GTF2A1: variants seen among roughly 807,000 people sequenced by gnomAD.
GTF2A1 encodes transcription initiation factor IIA subunit 1.
GTF2A1 carries 12 observed loss-of-function variants against 54.1 expected under a neutral mutation model. The ratio of observed to expected loss-of-function variants is 0.22; its 90% CI spans 0.14 to 0.36. GTF2A1 has a LOEUF of 0.36. Ranked by LOEUF, GTF2A1 falls within the 10% of genes least tolerant of loss-of-function variation. GTF2A1 has a pLI of 1.00. For synonymous variants in GTF2A1, 145 were observed against 152.0 expected (o/e 0.95, Z 0.34); for missense variants, 335 against 442.2 (o/e 0.76, Z 2.17).
intron 7 of GTF2A1, among the ~76,000 whole-genome samples, chr14:81,186,413 T>C (rs964621348): frequency 6.6e-6 from 1 of 152,082 alleles, no homozygotes; most frequent in African/African-American, 2.4e-5. Flanking sequence ...AGCATGATGA[T>C]GGTTATGGTA....
At chr14:81,202,818 AG>A in intron 3 of GTF2A1, 1 of 509,806 alleles carries the variant, frequency 2.0e-6, no homozygotes. Flanking sequence ...TGAAGGCAAC[AG>A]GAAGAACAGT....
intron 2 of GTF2A1, among the ~76,000 whole-genome samples, chr14:81,215,879 AC>A (rs1893477610): frequency 1.3e-5 from 2 of 152,186 alleles, no homozygotes; most frequent in African/African-American, 2.4e-5. Context: ...TACCAAAAAT[AC>A]AAAAATTAGC....
At chr14:81,182,631 G>A (rs1190370115) in intron 8 of GTF2A1, among the ~76,000 whole-genome samples, 1 of 152,136 alleles carries the variant, frequency 6.6e-6, no homozygotes, top group Non-Finnish European at 1.5e-5. Context: ...TCTCGTTTCA[G>A]CAACCTCTGC....
intron 2 of GTF2A1, among the ~76,000 whole-genome samples, chr14:81,210,754 C>T (rs1893346095): frequency 6.6e-6 from 1 of 151,944 alleles, no homozygotes; most frequent in Admixed American, 6.6e-5. Flanking sequence ...GGGGTTTCAC[C>T]GTGTTGGCCA....
At chr14:81,207,184 TACC>T (rs1313247295) in intron 2 of GTF2A1, among the ~76,000 whole-genome samples, 79 of 145,588 alleles carry the variant, frequency 5.4e-4, no homozygotes, top group African/African-American at 1.9e-3. Flanking sequence ...CCTACCTACC[TACC>T]TACCTGATAT....
At chr14:81,193,191 G>A (rs1353429066) in intron 6 of GTF2A1, among the ~76,000 whole-genome samples, 1 of 149,400 alleles carries the variant, frequency 6.7e-6, no homozygotes, top group African/African-American at 2.5e-5. Flanking sequence ...TTTATAGATG[G>A]AGTCTCGTTC....
At chr14:81,192,998 G>A (rs1892910475) in intron 6 of GTF2A1, among the ~76,000 whole-genome samples, 159 bp from the exon 7 acceptor site, 1 of 152,102 alleles carries the variant, frequency 6.6e-6, no homozygotes, top group African/African-American at 2.4e-5. Context: ...CTAGTGTAGT[G>A]ACCCATTAAA....
At chr14:81,202,342 A>AT (rs1317608723) in intron 3 of GTF2A1, among the ~76,000 whole-genome samples, 2 of 152,240 alleles carry the variant, frequency 1.3e-5, no homozygotes, top group Non-Finnish European at 2.9e-5. Flanking sequence ...AAGTAAGCTC[A>AT]AAAAGTTGTG....
In GTF2A1 at chr14:81,205,887, A is replaced by G. The variant is rs576845431; in HGVS notation, c.133-1783T>C. ...GCGCACCATCAAAATAGACACTCAC[A>G]TGCTAAATAAAACACATTATGACTA... On this transcript the variant is annotated intron_variant, in intron 2 of 8. Coordinates refer to ENST00000553612, the MANE Select transcript of GTF2A1 (RefSeq NM_015859.4). 9.8e-5 allele frequency among the ~76,000 whole-genome samples: 15 copies of G among 152,304 alleles called. No homozygotes were observed. In the South Asian group the frequency reaches 1.5e-3, roughly 15 times the overall value.
At chr14:81,196,013 A>G in intron 6 of GTF2A1, 95 bp downstream of exon 6, 2 of 1,074,368 alleles carry the variant, frequency 1.9e-6, no homozygotes, top group Non-Finnish European at 2.8e-6. Flanking sequence ...ACTGAAAAAG[A>G]GTCTTTTGTG....
intron 2 of GTF2A1, among the ~76,000 whole-genome samples, chr14:81,207,576 G>A (rs1226923824): frequency 1.3e-5 from 2 of 152,200 alleles, no homozygotes; most frequent in African/African-American, 2.4e-5. Context: ...AAATATGGAA[G>A]CGACTGTGGA....
At chr14:81,219,763 G>C (rs558435936) in intron 1 of GTF2A1, among the ~76,000 whole-genome samples, 2 of 152,314 alleles carry the variant, frequency 1.3e-5, no homozygotes, top group South Asian at 2.1e-4. Flanking sequence ...CCAACGGGAA[G>C]AAGTAGGTAA....
chr14:81,200,891 A>C (rs954599714), intron 4 of GTF2A1, among the ~76,000 whole-genome samples: 4 of 151,302 alleles, frequency 2.6e-5, no homozygotes, highest in African/African-American at 7.3e-5. Context: ...TATCCAAAAA[A>C]AAAAAAAAAA....
intron 4 of GTF2A1, 34 bp downstream of exon 4, chr14:81,201,560 A>G (rs1263543397): frequency 7.9e-7 from 1 of 1,258,994 alleles, no homozygotes; most frequent in Non-Finnish European, 1.2e-6. Context: ...AGAATTAAGT[A>G]CAGCCAATCA....
intron 8 of GTF2A1, among the ~76,000 whole-genome samples, chr14:81,184,077 C>T (rs1041567283): frequency 2.0e-5 from 3 of 152,172 alleles, no homozygotes; most frequent in African/African-American, 7.2e-5. Context: ...CTCCCACTTA[C>T]TAATTTAAAA....
intron 7 of GTF2A1, among the ~76,000 whole-genome samples, chr14:81,187,312 A>T (rs1468004425): frequency 2.0e-5 from 3 of 150,998 alleles, no homozygotes; most frequent in Non-Finnish European, 4.4e-5. Context: ...CCAAGATTGC[A>T]CCACTGCACT....
intron 7 of GTF2A1, among the ~76,000 whole-genome samples, chr14:81,188,762 G>A (rs932714176): frequency 4.5e-4 from 62 of 136,932 alleles, no homozygotes; most frequent in African/African-American, 1.3e-3. Context: ...GGGCGATAGC[G>A]TGAGACTCTG....
intron 7 of GTF2A1, among the ~76,000 whole-genome samples, chr14:81,191,673 G>A (rs527270116): frequency 2.0e-4 from 30 of 152,032 alleles, no homozygotes; most frequent in Admixed American, 6.5e-5. Flanking sequence ...TATGAGCAAA[G>A]GTACTTTGAT....
intron 4 of GTF2A1, among the ~76,000 whole-genome samples, chr14:81,200,885 CAAA>C (rs36025974): frequency 9.0e-6 from 1 of 111,098 alleles, no homozygotes. Context: ...ATGTTTTATC[CAAA>C]AAAAAAAAAA....
Sources: allele counts gnomAD v4.1 joint callset (sites outside exome capture counted in the v4.1 genomes callset), GRCh38; gene constraint gnomAD v4.1.1; transcripts MANE v1.5; gene names NCBI Gene and HGNC (gene_info 2026-07-23, HGNC 2026-07-21).